TDRD12: variants seen among roughly 807,000 people sequenced by gnomAD.
TDRD12 encodes the protein putative ATP-dependent RNA helicase TDRD12.
A neutral mutation model predicts 133.5 loss-of-function variants in TDRD12; 158 were observed. The ratio of observed to expected loss-of-function variants is 1.18; its 90% CI spans 1.04 to 1.35. The LOEUF (loss-of-function observed/expected upper bound fraction) is 1.35, where lower values mean the gene tolerates loss of function less well. Ranked by LOEUF, TDRD12 falls within the 40% of genes most tolerant of loss-of-function variation. TDRD12 has a pLI of 0.00. For missense variants in TDRD12, 1,443 were observed against 1,321.3 expected, an observed-to-expected ratio of 1.09 and a Z score of -1.43; for synonymous variants, 460 against 477.9, an observed-to-expected ratio of 0.96 and a Z score of 0.49.
At chr19:32,748,949 TA>T (rs1201828390) in intron 5 of TDRD12, among the ~76,000 whole-genome samples, 2 of 152,380 alleles carry the variant, frequency 1.3e-5, no homozygotes, top group East Asian at 3.9e-4. Flanking sequence ...TTAAGATGCA[TA>T]AAATGTCTTC....
rs1379836483 is a variant in TDRD12, at chr19:32,748,615, ATGCCCCTGTTGGCC to A, written c.496+85_496+98del. ...CTTCTGCTGCTGGCGGGGGTTGGAG[ATGCCCCTGTTGGCC>A]AAACGGCCCTCCTCAGAGGAGTTCC... On this transcript the variant is annotated intron_variant, in intron 5 of 27. Transcript: ENST00000444215. 1.2e-4 allele frequency: 169 copies of A among 1,418,430 alleles called. No individual in the cohort carries two copies. In the African/African-American group the frequency reaches 2.0e-3, roughly 16 times the overall value. 87.9% of individuals were successfully genotyped at this position (1,418,430 alleles called of 1,614,324 possible). A position where few individuals can be genotyped will look rare whatever the true frequency, so the allele number is the denominator to read the frequency against.
At chr19:32,803,039 C>T (rs1158767729) in exon 21 of TDRD12, 1 of 1,535,924 alleles carries the variant, frequency 6.5e-7, no homozygotes, top group Non-Finnish European at 8.7e-7. Context: ...CGCCAAGGTC[C>T]CCGCAGAGCT....
Position 32,757,055 on chromosome 19 carries a change from TTTCCGGCACAA to T in TDRD12, c.792_802del (p.Pro265SerfsTer12). On this transcript the variant is annotated frameshift_variant, in exon 8 of 28. Coordinates refer to ENST00000444215, the Ensembl canonical transcript of TDRD12. LOFTEE classifies it high-confidence loss of function. ...TCTATCAGATTCACATGGTGTAAAT[TTTCCGGCACAA>T]TCTCTGCAACATACATGGTGCAAGG... The T allele has an allele frequency of 1.3e-6, 2 of 1,551,858 alleles. No individual in the cohort carries two copies. The highest frequency in any genetic ancestry group is 1.7e-6 in the Non-Finnish European group (2 of 1,147,014).
intron 8 of TDRD12, among the ~76,000 whole-genome samples, chr19:32,757,588 C>T (rs1252030029): frequency 2.0e-5 from 3 of 152,182 alleles, no homozygotes; most frequent in African/African-American, 7.2e-5. Flanking sequence ...ATGACTGGCT[C>T]GCCCTCTGTG....
Position 32,790,955 on chromosome 19 carries a change from T to G in TDRD12, c.1183-9T>G, listed in dbSNP as rs1456838334. ...AGACACTGGTTGTCTAATGCACACG[T>G]TCTCTCAGTTGCAGAAGCTGAAGGG... On this transcript the variant is annotated splice_polypyrimidine_tract_variant and intron_variant, in intron 12 of 27. Coordinates refer to ENST00000444215, the Ensembl canonical transcript of TDRD12. 1 of 1,534,814 alleles carries G rather than the reference T, an allele frequency of 6.5e-7. No homozygotes were observed. The highest frequency in any genetic ancestry group is 8.7e-7 in the Non-Finnish European group (1 of 1,146,646).
Position 32,749,978 on chromosome 19 carries a change from G to C in TDRD12, c.582+109G>C, listed in dbSNP as rs575670482. 3.2e-4 allele frequency: 253 copies of C among 799,854 alleles called. 2 individuals carry two copies. The Middle Eastern group carries it at 4.2e-3, about 13-fold the overall frequency. 49.5% of individuals were successfully genotyped at this position (799,854 alleles called of 1,614,324 possible). On this transcript the variant is annotated intron_variant, in intron 6 of 27. Transcript: ENST00000444215. Reference sequence around the variant, plus strand: ...CTGTAGTTCGTACAGCATAGAAATTGTCTTAATCTCTTAAGGTCTATCTTA... The same window carrying C: ...CTGTAGTTCGTACAGCATAGAAATTCTCTTAATCTCTTAAGGTCTATCTTA...
exon 10 of TDRD12, chr19:32,827,916 A>C (rs962228318): frequency 1.3e-5 from 2 of 152,166 alleles, no homozygotes; most frequent in Non-Finnish European, 2.9e-5. Flanking sequence ...GATGAAATGC[A>C]CTGTCTGGAG....
intron 11 of TDRD12, among the ~76,000 whole-genome samples, chr19:32,779,276 G>T (rs1050897138): frequency 4.6e-5 from 7 of 152,222 alleles, no homozygotes; most frequent in African/African-American, 7.2e-5. Context: ...TGTCCCACTA[G>T]CCTCCTCTGT....
chr19:32,800,023 C>A, intron 16 of TDRD12, 144 bp from the exon 17 acceptor site: 1 of 594,824 alleles, frequency 1.7e-6, no homozygotes, highest in Non-Finnish European at 2.9e-6. Context: ...CGTGAGCCAC[C>A]ACACCTGGCC....
At chr19:32,736,520 T>A (rs776732784) in intron 2 of TDRD12, among the ~76,000 whole-genome samples, 2 of 152,260 alleles carry the variant, frequency 1.3e-5, no homozygotes, top group Non-Finnish European at 2.9e-5. Flanking sequence ...TGTGAATTAT[T>A]AACTATTCAT....
intron 10 of TDRD12, among the ~76,000 whole-genome samples, chr19:32,776,933 G>C (rs1388149996): frequency 5.3e-5 from 8 of 152,134 alleles, no homozygotes; most frequent in African/African-American, 1.9e-4. Flanking sequence ...TTGTTGCCCA[G>C]GCTGGAGTGC....
chr19:32,826,928 C>T (rs1360449074), intron 9 of TDRD12, among the ~76,000 whole-genome samples, 179 bp downstream of exon 32: 1 of 152,124 alleles, frequency 6.6e-6, no homozygotes, highest in Non-Finnish European at 1.5e-5. Flanking sequence ...TACTTTTCAA[C>T]CCTTGGTGAT....
At chr19:32,815,215 C>G (rs181633800) in intron 25 of TDRD12, among the ~76,000 whole-genome samples, 1 of 152,116 alleles carries the variant, frequency 6.6e-6, no homozygotes, top group South Asian at 2.1e-4. Flanking sequence ...GCCACCCCCC[C>G]ACCACCTGCC....
intron 4 of TDRD12, among the ~76,000 whole-genome samples, chr19:32,744,512 A>C (rs964210240): frequency 6.7e-5 from 10 of 150,196 alleles, no homozygotes; most frequent in South Asian, 2.1e-4. Context: ...AAAAAAAAAA[A>C]AAAAAAAAAA....
chr19:32,756,223 T>C (rs1969987466), intron 7 of TDRD12, 42 bp downstream of exon 7: 2 of 1,372,160 alleles, frequency 1.5e-6, no homozygotes, highest in Non-Finnish European at 1.9e-6. Flanking sequence ...TACATTGTTT[T>C]ATTAATAATC....
chr19:32,780,717 C>A (rs1372979360), intron 11 of TDRD12, among the ~76,000 whole-genome samples: 1 of 152,044 alleles, frequency 6.6e-6, no homozygotes, highest in African/African-American at 2.4e-5. Flanking sequence ...AGTCACACAG[C>A]ACGGCTGCTT....
chr19:32,826,584 C>T (rs1967597794), exon 9 of TDRD12: 2 of 1,238,914 alleles, frequency 1.6e-6, no homozygotes, highest in Non-Finnish European at 2.0e-6. Context: ...ATGGTGTCAC[C>T]TACTCAGACA....
At chr19:32,816,188 A>G (rs1442697875) in intron 26 of TDRD12, among the ~76,000 whole-genome samples, 1 of 152,116 alleles carries the variant, frequency 6.6e-6, no homozygotes, top group Non-Finnish European at 1.5e-5. Context: ...GATTGTTGTT[A>G]ACTTTTTCTT....
chr19:32,794,970 A>G (rs764115532), intron 14 of TDRD12, among the ~76,000 whole-genome samples, 157 bp downstream of exon 14: 1 of 152,172 alleles, frequency 6.6e-6, no homozygotes, highest in African/African-American at 2.4e-5. Context: ...TTCCCATTCC[A>G]ATTACTGATG....
Sources: gnomAD v4.1 joint callset for allele counts (sites outside exome capture counted in the v4.1 genomes callset) on GRCh38, gnomAD v4.1.1 for gene constraint, MANE v1.5 for transcripts, NCBI Gene and HGNC (gene_info 2026-07-23, HGNC 2026-07-21) for gene names.